VPS9D1: variants seen among roughly 807,000 people sequenced by gnomAD.
The protein encoded by VPS9D1 is VPS9 domain-containing protein 1.
In VPS9D1, 78 loss-of-function variants were observed where a neutral mutation model predicts 75.8. The ratio of observed to expected loss-of-function variants is 1.03; its 90% CI spans 0.86 to 1.24. The LOEUF is 1.24. Among genes scored for constraint, VPS9D1 ranks in the 50% most tolerant of loss-of-function variants. The probability of loss-of-function intolerance (pLI) is 0.00; values close to 1 mark genes in which losing one functional copy is unlikely to be tolerated. For missense variants in VPS9D1, 1,057 were observed against 847.7 expected, an observed-to-expected ratio of 1.25 and a Z score of -3.07; for synonymous variants, 481 against 385.6, an observed-to-expected ratio of 1.25 and a Z score of -2.90.
At position 89,707,793 on chromosome 16, in the gene VPS9D1, C is replaced by G. The variant is rs2060825390; in HGVS notation, c.*68G>C. The G allele has an allele frequency of 1.4e-6, 2 of 1,438,460 alleles. No homozygotes were observed. The highest frequency in any genetic ancestry group is 1.2e-5 in the South Asian group (1 of 86,266). The allele number at this position is 1,438,460 out of a possible 1,614,324, so 89.1% of individuals were successfully genotyped here. ...ATGGTCCTCAGTAGATCCCATGGCT[C>G]CAGGTGTAGGAGAGACAGCCCTGGG... On this transcript the variant is annotated 3_prime_UTR_variant, in exon 15 of 15. Transcript: ENST00000389386.
chr16:89,711,254 C>A, intron 9 of VPS9D1, 73 bp downstream of exon 9: 1 of 1,483,098 alleles, frequency 6.7e-7, no homozygotes, highest in East Asian at 2.4e-5. Flanking sequence ...AGCCCCTCTC[C>A]GGCACCTGGC....
In VPS9D1 at chr16:89,711,011, C is replaced by G; in HGVS notation, c.834-1G>C. On this transcript the variant is annotated splice_acceptor_variant, in intron 9 of 14. Transcript: ENST00000389386. LOFTEE classifies it high-confidence loss of function. ...CTGCGCGATCGGGTGGTCGGGGAGG[C>G]TGCGGGAGAAGAGGACGTGAGAACG... The G allele has an allele frequency of 1.4e-6, 2 of 1,437,652 alleles. No individual in the cohort carries two copies. The highest frequency in any genetic ancestry group is 1.8e-6 in the Non-Finnish European group (2 of 1,100,832). The allele number at this position is 1,437,652 out of a possible 1,614,324, so 89.1% of individuals were successfully genotyped here.
chr16:89,711,380 C>A lies in VPS9D1; in HGVS notation c.780G>T (p.Lys260Asn). ...DWPKHWKAKLKRNPGDLSLVT... is the reference protein window; with the variant it reads ...DWPKHWKAKLNRNPGDLSLVT... ...CGAGTGACAGGTCCCCCGGATTCCT[C>A]TTGAGCTTGGCCTTCCAGTGCTTCG... Residue 260 changes from lysine to asparagine, a missense_variant, in exon 9 of 15, where the codon AAG becomes AAT. Coordinates refer to ENST00000389386, the MANE Select transcript of VPS9D1 (RefSeq NM_004913.3). 1 of 1,610,886 alleles carries A rather than the reference C, an allele frequency of 6.2e-7. No individual in the cohort carries two copies. The highest frequency in any genetic ancestry group is 2.2e-5 in the East Asian group (1 of 44,782).
At chr16:89,719,988 G>C (rs914521189) in intron 1 of VPS9D1, among the ~76,000 whole-genome samples, 3 of 152,244 alleles carry the variant, frequency 2.0e-5, no homozygotes, top group Non-Finnish European at 4.4e-5. Flanking sequence ...AAAGTGTCAG[G>C]ATTACAGGCG....
At chr16:89,719,662 T>C (rs2061191391) in intron 1 of VPS9D1, among the ~76,000 whole-genome samples, 1 of 152,208 alleles carries the variant, frequency 6.6e-6, no homozygotes, top group African/African-American at 2.4e-5. Context: ...AACTGTTACC[T>C]TTCAAGGCTG....
intron 12 of VPS9D1, 65 bp from the exon 13 acceptor site, chr16:89,709,021 C>CCCCCCCCCCCCCCCCCCCCCCG: frequency 7.0e-7 from 1 of 1,435,338 alleles, no homozygotes; most frequent in African/African-American, 1.5e-5. Context: ...ACCCCTTATA[C>CCCCCCCCCCCCCCCCCCCCCCG]CCCGCCCACC....
chr16:89,717,948 G>A (rs574113214), intron 2 of VPS9D1: 6 of 435,984 alleles, frequency 1.4e-5, no homozygotes, highest in South Asian at 3.4e-5. Flanking sequence ...GTGCTCCCAC[G>A]TCCAGTGGCT....
intron 1 of VPS9D1, chr16:89,720,290 G>C (rs2151648634): frequency 1.7e-6 from 1 of 593,026 alleles, no homozygotes; most frequent in South Asian, 7.5e-5. Flanking sequence ...TCTCAGGAAC[G>C]GGCCACACCC....
At chr16:89,717,813 G>A (rs1400697024) in intron 2 of VPS9D1, 1 of 456,658 alleles carries the variant, frequency 2.2e-6, no homozygotes, top group South Asian at 1.5e-5. Context: ...GGGAGCTGGG[G>A]CAACTGTTAG....
At chr16:89,709,975 C>T (rs537590174) in intron 10 of VPS9D1, 69 bp from the exon 11 acceptor site, 22 of 1,523,254 alleles carry the variant, frequency 1.4e-5, no homozygotes, top group Admixed American at 4.2e-5. Flanking sequence ...CTCTAAGCCA[C>T]GGGGCCTTTC....
intron 2 of VPS9D1, among the ~76,000 whole-genome samples, chr16:89,717,098 G>A (rs1336115797): frequency 8.5e-4 from 85 of 99,678 alleles, no homozygotes; most frequent in Non-Finnish European, 8.2e-4. Context: ...CTCACCCCGG[G>A]TAAGCCCACT....
At chr16:89,720,730 C>G in intron 1 of VPS9D1, 33 bp downstream of exon 1, 1 of 1,418,792 alleles carries the variant, frequency 7.0e-7, no homozygotes, top group African/African-American at 1.5e-5. Context: ...GGGCCACCCT[C>G]AGCGGCCAAG....
Position 89,709,261 on chromosome 16 carries a change from C to G in VPS9D1, c.1563G>C (p.Leu521=), listed in dbSNP as rs755901962. 2 of 1,611,708 alleles carry G rather than the reference C, an allele frequency of 1.2e-6. No individual in the cohort carries two copies. The highest frequency in any genetic ancestry group is 1.7e-6 in the Non-Finnish European group (2 of 1,179,876). The part of the protein sequence containing the change: ...AAAQELGLLV[L]ESCPQKKLEC... ...CCAGCTTCTTCTGGGGGCAGCTCTC[C>G]AGGACCAGCAGTCCGAGCTCCTGGG... is the stretch of plus-strand genomic sequence containing the variant. Residue 521 remains leucine (L), a synonymous_variant, in exon 12 of 15, where the codon CTG becomes CTC. Coordinates refer to ENST00000389386, the MANE Select transcript of VPS9D1 (RefSeq NM_004913.3).
chr16:89,708,994 G>C, intron 12 of VPS9D1, 38 bp from the exon 13 acceptor site: 1 of 1,551,718 alleles, frequency 6.4e-7, no homozygotes, highest in Non-Finnish European at 8.7e-7. Context: ...AGTTAACCCC[G>C]TCCAGCAGCC....
chr16:89,709,736 G>A, intron 11 of VPS9D1, 41 bp downstream of exon 11: 1 of 1,612,570 alleles, frequency 6.2e-7, no homozygotes, highest in Non-Finnish European at 8.5e-7. Context: ...TGGGCTGGAA[G>A]ACACTAGGCC....
At chr16:89,708,399 A>AC (rs1256262646) in intron 14 of VPS9D1, 28 bp downstream of exon 14, 35 of 1,587,492 alleles carry the variant, frequency 2.2e-5, no homozygotes, top group Non-Finnish European at 2.7e-5. Flanking sequence ...TCGCACAGAG[A>AC]CCCCCACCCT....
Position 89,719,076 on chromosome 16 carries a change from G to T in VPS9D1, c.126C>A (p.Ser42Arg). The change falls in exon 2 of 15, where the codon AGC becomes AGA. Residue 42 changes from serine (S) to arginine (R), a missense_variant. By Grantham distance (110) the Ser-to-Arg change is moderately radical. Transcript: ENST00000389386. ...PREAYTEYLRSIHYISQVLLE... is the reference protein window; with the variant it reads ...PREAYTEYLRRIHYISQVLLE... ...GTAACACCTGGGAGATATAGTGGATGCTCCTCAGGTATTCCGTGTATGCCT... is the reference window on the plus strand; with the variant it reads ...GTAACACCTGGGAGATATAGTGGATTCTCCTCAGGTATTCCGTGTATGCCT... The T allele has an allele frequency of 6.2e-7, 1 of 1,613,628 alleles. No homozygotes were observed. Among genetic ancestry groups the T allele is most frequent in the East Asian group, 2.2e-5 (1 of 44,886 alleles).
At chr16:89,715,118 G>T (rs1423947395) in intron 4 of VPS9D1, among the ~76,000 whole-genome samples, 5 of 151,802 alleles carry the variant, frequency 3.3e-5, no homozygotes, top group Non-Finnish European at 7.4e-5. Context: ...ACATGAATTT[G>T]CTCTTCAGCT....
At position 89,711,912 on chromosome 16, in the gene VPS9D1, G is replaced by C. The variant is rs369248771; in HGVS notation, c.717C>G (p.Tyr239Ter). The C allele has an allele frequency of 6.4e-7, 1 of 1,551,386 alleles. No individual in the cohort carries two copies. The highest frequency in any genetic ancestry group is 1.4e-5 in the African/African-American group (1 of 73,108). ...CCTGTTCGTACTCCAGGATGGCGGC[G>C]TAAAGGGCCCGCTGCTCCCGTTCCT... ...TPEEREQRALYAAILEYEQDH... is the reference protein window; with the variant it reads ...TPEEREQRAL The change falls in exon 8 of 15, where the codon TAC becomes TAG. Residue 239 changes from tyrosine to a stop codon, truncating the protein, a stop_gained. Coordinates refer to ENST00000389386, the MANE Select transcript of VPS9D1 (RefSeq NM_004913.3). LOFTEE classifies it high-confidence loss of function.
Sources: allele counts gnomAD v4.1 joint callset (sites outside exome capture counted in the v4.1 genomes callset), GRCh38; gene constraint gnomAD v4.1.1; transcripts MANE v1.5; gene names NCBI Gene and HGNC (gene_info 2026-07-23, HGNC 2026-07-21).